Variants in ESR1 observed in about 807,000 individuals in gnomAD.
The protein encoded by ESR1 is estrogen receptor.
A neutral mutation model predicts 52.7 loss-of-function variants in ESR1; 12 were observed. That is an observed-to-expected ratio of 0.23 (90% CI 0.15 to 0.37). ESR1 has a LOEUF of 0.37. ESR1 is among the 10% of genes least tolerant of loss of function. The pLI is 1.00. For synonymous variants in ESR1, 305 were observed against 316.8 expected (o/e 0.96, Z 0.39); for missense variants, 584 against 779.7 (o/e 0.75, Z 2.99).
At chr6:151,865,761 C>T (rs547362983) in intron 2 of ESR1, among the ~76,000 whole-genome samples, 48 of 152,272 alleles carry the variant, frequency 3.2e-4, no homozygotes, top group Non-Finnish European at 4.0e-4. Context: ...TGTTAAGTAG[C>T]ATGTTTAGGC....
chr6:152,043,729 T>TA (rs1296507835), intron 5 of ESR1, among the ~76,000 whole-genome samples: 4 of 152,112 alleles, frequency 2.6e-5, no homozygotes. Flanking sequence ...TTTCCTCTGG[T>TA]AAAAAAGATT....
chr6:151,702,941 G>T (rs1779907238), intron 2 of ESR1, among the ~76,000 whole-genome samples: 1 of 152,156 alleles, frequency 6.6e-6, no homozygotes, highest in Admixed American at 6.5e-5. Flanking sequence ...CCCCTGATTT[G>T]TGAATACTAT....
chr6:152,011,637 T>C lies in ESR1; in HGVS notation c.1097-19T>C. ...TCTTTTTCATTTGAGTCAGCAGGGT[T>C]TTTCTTGCTTGTTTTCAGGCTTTGT... On this transcript the variant is annotated intron_variant, in intron 4 of 7. Coordinates refer to ENST00000206249, the MANE Select transcript of ESR1 (RefSeq NM_000125.4). 6.2e-7 allele frequency: 1 copy of C among 1,612,968 alleles called. No homozygotes were observed. Among genetic ancestry groups the C allele is most frequent in the South Asian group, 1.1e-5 (1 of 91,058 alleles).
At chr6:151,958,566 T>C (rs2037268040) in intron 4 of ESR1, among the ~76,000 whole-genome samples, 1 of 152,198 alleles carries the variant, frequency 6.6e-6, no homozygotes, top group South Asian at 2.1e-4. Context: ...TGAATGTTCA[T>C]TGTTATCTTG....
At chr6:151,921,926 A>G (rs962661402) in intron 3 of ESR1, among the ~76,000 whole-genome samples, 4 of 152,172 alleles carry the variant, frequency 2.6e-5, no homozygotes, top group African/African-American at 9.7e-5. Flanking sequence ...TGCTGTACAG[A>G]AGATCTTTAG....
chr6:151,975,473 AAG>A (rs1307521714), intron 4 of ESR1, among the ~76,000 whole-genome samples: 8 of 152,124 alleles, frequency 5.3e-5, no homozygotes, highest in African/African-American at 1.4e-4. Context: ...TCAAGACAAA[AAG>A]AGATTCATCT....
Position 152,009,990 on chromosome 6 carries a change from T to C in ESR1, c.1097-1666T>C, listed in dbSNP as rs181109106. On this transcript the variant is annotated intron_variant, in intron 4 of 7. Coordinates refer to ENST00000206249, the MANE Select transcript of ESR1 (RefSeq NM_000125.4). ...TTAGTTAAGAAGTCAGACAAAAAGG[T>C]AAGAGACTGTTAGGAGCTGAATTAG... 8.9e-4 allele frequency among the ~76,000 whole-genome samples: 135 copies of C among 152,078 alleles called. 1 individual carries two copies. In the East Asian group the frequency reaches 0.011, roughly 12 times the overall value.
intron 6 of ESR1, among the ~76,000 whole-genome samples, chr6:152,078,307 CCTT>C (rs1284208346): frequency 3.9e-5 from 6 of 152,278 alleles, no homozygotes; most frequent in East Asian, 3.9e-4. Flanking sequence ...AGCAGGCTGT[CCTT>C]CTTCTGACGA....
At chr6:151,776,757 G>T (rs1786030876) in intron 2 of ESR1, among the ~76,000 whole-genome samples, 2 of 151,694 alleles carry the variant, frequency 1.3e-5, no homozygotes, top group Non-Finnish European at 2.9e-5. Context: ...AGAATCGCTT[G>T]AACCCGGGAG....
At position 151,944,404 on chromosome 6, in the gene ESR1, A is replaced by C. The variant is rs1197707842; in HGVS notation, c.992A>C (p.Tyr331Ser). The change falls in exon 4 of 8, where the codon TAT becomes TCT. Residue 331 changes from tyrosine (Y) to serine (S), a missense_variant. Tyr to Ser is a moderately radical substitution (Grantham distance 144). This residue lies in a region of ESR1 where 141 missense variants were observed against 289.3 expected (regional missense o/e 0.49). Coordinates refer to ENST00000206249, the MANE Select transcript of ESR1 (RefSeq NM_000125.4). The part of the protein sequence containing the change: ...DAEPPILYSE[Y>S]DPTRPFSEAS... ...GAGCCCCCGATACTCTATTCCGAGT[A>C]TGATCCTACCAGACCCTTCAGTGAA... is the stretch of plus-strand genomic sequence containing the variant. 3 of 1,614,044 alleles carry C rather than the reference A, an allele frequency of 1.9e-6. No individual in the cohort carries two copies. Among genetic ancestry groups the C allele is most frequent in the Non-Finnish European group, 1.7e-6 (2 of 1,179,944 alleles).
chr6:152,076,720 G>C (rs998813412), intron 6 of ESR1, among the ~76,000 whole-genome samples: 1 of 152,176 alleles, frequency 6.6e-6, no homozygotes, highest in African/African-American at 2.4e-5. Context: ...GGTGACTCTT[G>C]TTATATCTTA....
At chr6:151,821,815 A>G (rs1780598742) in intron 1 of ESR1, among the ~76,000 whole-genome samples, 2 of 152,212 alleles carry the variant, frequency 1.3e-5, no homozygotes, top group Non-Finnish European at 2.9e-5. Flanking sequence ...ACTAATGACT[A>G]AGCCCGATGT....
chr6:152,010,041 G>A (rs1212710417), intron 4 of ESR1, among the ~76,000 whole-genome samples: 1 of 152,108 alleles, frequency 6.6e-6, no homozygotes, highest in Non-Finnish European at 1.5e-5. Context: ...AATGAAAAAG[G>A]AGAAAATTAT....
chr6:152,066,724 C>T (rs2047994163), intron 6 of ESR1, among the ~76,000 whole-genome samples: 1 of 152,182 alleles, frequency 6.6e-6, no homozygotes, highest in African/African-American at 2.4e-5. Context: ...TTAAGCAAGC[C>T]TCATGGCTCC....
chr6:152,113,747 T>G (rs1241869360), intron 6 of ESR1, among the ~76,000 whole-genome samples: 2 of 152,212 alleles, frequency 1.3e-5, no homozygotes, highest in South Asian at 4.1e-4. Context: ...ACGACTAAAA[T>G]AGCGTTAACT....
chr6:151,980,166 G>A (rs1402843129), intron 4 of ESR1, among the ~76,000 whole-genome samples: 2 of 152,170 alleles, frequency 1.3e-5, no homozygotes. Flanking sequence ...TTCTTGGAAC[G>A]TGTTGCTTGC....
At chr6:151,686,952 T>A (rs1778714233), upstream of ESR1, among the ~76,000 whole-genome samples, 1 of 152,202 alleles carries the variant, frequency 6.6e-6, no homozygotes, top group Admixed American at 6.5e-5. Context: ...CTATGTGTTA[T>A]CTCAGCTCAT....
At chr6:151,953,885 T>G (rs1393361431) in intron 4 of ESR1, among the ~76,000 whole-genome samples, 1 of 151,552 alleles carries the variant, frequency 6.6e-6, no homozygotes, top group Non-Finnish European at 1.5e-5. Context: ...TGTTATTGCC[T>G]TCTTTCACAG....
chr6:152,108,617 T>C (rs948411772), intron 6 of ESR1, among the ~76,000 whole-genome samples: 1 of 152,196 alleles, frequency 6.6e-6, no homozygotes, highest in Non-Finnish European at 1.5e-5. Flanking sequence ...TGTCTACATA[T>C]GCCATGTGTT....
Sources: allele counts gnomAD v4.1 joint callset (sites outside exome capture counted in the v4.1 genomes callset), GRCh38; gene constraint gnomAD v4.1.1; regional missense constraint gnomAD v4.1.1; transcripts MANE v1.5; gene names NCBI Gene and HGNC (gene_info 2026-07-23, HGNC 2026-07-21).